The following QRICH1 variants were observed in gnomAD, a reference collection of about 807,000 sequenced individuals.
QRICH1 encodes glutamine rich 1.
A neutral mutation model predicts 87.1 loss-of-function variants in QRICH1; 16 were observed. The observed-to-expected ratio is 0.18, with a 90% CI of 0.12 to 0.28. The LOEUF is 0.28. Among genes scored for constraint, QRICH1 ranks in the 10% least tolerant of loss-of-function variants. The pLI is 1.00. For missense variants in QRICH1, 647 were observed against 951.7 expected (o/e 0.68, Z 4.21); for synonymous variants, 367 against 368.4 (o/e 1.00, Z 0.05).
intron 1 of QRICH1, among the ~76,000 whole-genome samples, chr3:49,080,899 C>T (rs1575378342): frequency 1.6e-5 from 2 of 125,860 alleles, no homozygotes; most frequent in East Asian, 5.8e-4. Context: ...GCTAAGTATG[C>T]TTTGACCTCT....
chr3:49,054,536 T>C lies in QRICH1; in HGVS notation c.1338+2326A>G, dbSNP rs912414262. 2.9e-5 allele frequency among the ~76,000 whole-genome samples: 4 copies of C among 140,132 alleles called. No individual in the cohort carries two copies. The East Asian group carries it at 9.2e-4, about 32-fold the overall frequency. The allele number at this position is 140,132 out of a possible 152,430, so 91.9% of individuals were successfully genotyped here. On this transcript the variant is annotated intron_variant, in intron 3 of 9. Coordinates refer to ENST00000395443, the MANE Select transcript of QRICH1 (RefSeq NM_198880.3). ...TCCCTTCTCAAGTTGCATTAGGGCA[T>C]GTCCCTTCTGTCCATCCTTGGCTCT...
chr3:49,070,440 G>A (rs1290069647), intron 2 of QRICH1, among the ~76,000 whole-genome samples: 4 of 151,960 alleles, frequency 2.6e-5, no homozygotes, highest in African/African-American at 7.3e-5. Flanking sequence ...AAAATGCTTT[G>A]TTGTTCTGTT....
chr3:49,054,275 G>T (rs1258584105), intron 3 of QRICH1, among the ~76,000 whole-genome samples: 1 of 152,178 alleles, frequency 6.6e-6, no homozygotes, highest in Non-Finnish European at 1.5e-5. Context: ...AGAGCTAGGG[G>T]AGGCCTAATG....
intron 6 of QRICH1, among the ~76,000 whole-genome samples, chr3:49,035,230 T>G (rs2093267878): frequency 6.6e-6 from 1 of 152,026 alleles, no homozygotes; most frequent in South Asian, 2.1e-4. Context: ...ACCATCACAC[T>G]CGATTATTTT....
Position 49,092,089 on chromosome 3 carries a change from C to A in QRICH1, c.-22+1823G>T, listed in dbSNP as rs946379075. Among the ~76,000 whole-genome samples, 9 of 151,226 alleles carry A rather than the reference C, an allele frequency of 6.0e-5. 1 individual carries two copies. The highest frequency in any genetic ancestry group is 1.9e-4 in the African/African-American group (8 of 41,274). On this transcript the variant is annotated intron_variant, in intron 1 of 9. Transcript: ENST00000395443. Reference sequence around the variant, plus strand: ...TCCGTCTCAAAAAAAAAAAAAAAGTCAAAATTTTAAGTGTATCCTAGAAAA... The same window carrying A: ...TCCGTCTCAAAAAAAAAAAAAAAGTAAAAATTTTAAGTGTATCCTAGAAAA...
chr3:49,083,302 A>G (rs762300912), intron 1 of QRICH1: 2 of 150,922 alleles, frequency 1.3e-5, no homozygotes, highest in Non-Finnish European at 2.9e-5. Context: ...TTGCTTGAGT[A>G]GTCCAGGAGT....
chr3:49,046,262 T>TAAAA (rs11374545), intron 5 of QRICH1, among the ~76,000 whole-genome samples, 163 bp downstream of exon 5: 1 of 129,928 alleles, frequency 7.7e-6, no homozygotes, highest in Non-Finnish European at 1.7e-5. Flanking sequence ...TTTTAAAACT[T>TAAAA]AAAAAAAAAA....
At position 49,057,051 on chromosome 3, in the gene QRICH1, G is replaced by C; in HGVS notation, c.1149C>G (p.Leu383=). The change falls in exon 3 of 10, where the codon CTC becomes CTG. Residue 383 remains leucine (L), a synonymous_variant. Transcript: ENST00000395443. The surrounding 1 kb of genome is among the most constrained non-coding windows in gnomAD (Gnocchi z 5.4). ...EEVVQTLANS[L]FPAQFMNGNI... ...TGCCATTCATGAACTGTGCTGGAAA[G>C]AGAGAGTTTGCAAGGGTCTGCACTA... 1 of 1,614,242 alleles carries C rather than the reference G, an allele frequency of 6.2e-7. No homozygotes were observed. Among genetic ancestry groups the C allele is most frequent in the East Asian group, 2.2e-5 (1 of 44,886 alleles).
intron 9 of QRICH1, 83 bp downstream of exon 9, chr3:49,032,100 T>C (rs1325806162): frequency 8.7e-6 from 10 of 1,145,086 alleles, no homozygotes; most frequent in Middle Eastern, 1.9e-4. Flanking sequence ...CTCTCCCCTA[T>C]GATAAGTGAT....
chr3:49,039,762 G>A lies in QRICH1; in HGVS notation c.1786+4628C>T, dbSNP rs569681250. Among the ~76,000 whole-genome samples the A allele has an allele frequency of 5.4e-3, 817 of 150,710 alleles. 1 individual carries two copies. The highest frequency in any genetic ancestry group is 8.3e-3 in the Non-Finnish European group (558 of 67,560). On this transcript the variant is annotated intron_variant, in intron 6 of 9. Transcript: ENST00000395443. The stretch of plus-strand genomic sequence containing the variant: ...AAAACAAACAAAAACAAACAAAAAG[G>A]AATTAAACAGCAACAGGCCAGGCTC...
Position 49,047,259 on chromosome 3 carries a change from A to C in QRICH1, c.1339-13T>G. 1 of 1,595,790 alleles carries C rather than the reference A, an allele frequency of 6.3e-7. No individual in the cohort carries two copies. The highest frequency in any genetic ancestry group is 8.6e-7 in the Non-Finnish European group (1 of 1,169,526). On this transcript the variant is annotated splice_polypyrimidine_tract_variant and intron_variant, in intron 3 of 9. Coordinates refer to ENST00000395443, the MANE Select transcript of QRICH1 (RefSeq NM_198880.3). Reference sequence around the variant, plus strand: ...GGACAGTTTGAGCCTATAGGAGAGAAACCATGAAAATGTGTCAATATTGTT... The same window carrying C: ...GGACAGTTTGAGCCTATAGGAGAGACACCATGAAAATGTGTCAATATTGTT...
intron 6 of QRICH1, among the ~76,000 whole-genome samples, chr3:49,040,403 T>G (rs1377809694): frequency 6.6e-6 from 1 of 152,078 alleles, no homozygotes; most frequent in Admixed American, 6.6e-5. Flanking sequence ...AGCCCAGGAG[T>G]TGGAGACCTG....
chr3:49,039,736 A>T (rs2093298920), intron 6 of QRICH1, among the ~76,000 whole-genome samples: 1 of 151,494 alleles, frequency 6.6e-6, no homozygotes, highest in Non-Finnish European at 1.5e-5. Flanking sequence ...AAATAAACTT[A>T]AAAACAAACA....
At position 49,077,024 on chromosome 3, in the gene QRICH1, G is replaced by A. The variant is rs1217587764; in HGVS notation, c.-7C>T. 7.0e-7 allele frequency: 1 copy of A among 1,435,360 alleles called. No homozygotes were observed. 88.9% of individuals were successfully genotyped at this position (1,435,360 alleles called of 1,614,324 possible). ...TCTCTAGGGAATTATTCATATTGCA[G>A]AGTCCTTAGGGTTCCTAGAAATAAA... On this transcript the variant is annotated 5_prime_UTR_variant, in exon 2 of 10. Transcript: ENST00000395443.
chr3:49,094,247 C>T (rs1337358857), upstream of QRICH1: 34 of 381,816 alleles, frequency 8.9e-5, no homozygotes. Context: ...CCATGGACGC[C>T]TCTCCATGTG....
chr3:49,035,391 A>G (rs989467272), intron 6 of QRICH1, among the ~76,000 whole-genome samples: 4 of 152,144 alleles, frequency 2.6e-5, no homozygotes, highest in Non-Finnish European at 5.9e-5. Context: ...TTAAAAAAAT[A>G]ATTTTTCTCC....
intron 1 of QRICH1, among the ~76,000 whole-genome samples, chr3:49,091,962 C>A (rs2107064831): frequency 1.3e-5 from 2 of 151,874 alleles, no homozygotes; most frequent in South Asian, 4.2e-4. Context: ...ATCCCAGTTA[C>A]TTGGGAAACT....
chr3:49,067,110 A>G (rs1002673035), intron 2 of QRICH1, among the ~76,000 whole-genome samples: 1 of 152,186 alleles, frequency 6.6e-6, no homozygotes, highest in African/African-American at 2.4e-5. Flanking sequence ...AATGTGGCTA[A>G]TGGCTATTGT....
At position 49,076,967 on chromosome 3, in the gene QRICH1, T is replaced by C; in HGVS notation, c.51A>G (p.Val17=). 1 of 1,571,936 alleles carries C rather than the reference T, an allele frequency of 6.4e-7. No individual in the cohort carries two copies. Among genetic ancestry groups the C allele is most frequent in the South Asian group, 1.2e-5 (1 of 86,074 alleles). Residue 17 remains valine (V), a synonymous_variant, in exon 2 of 10, where the codon GTA becomes GTG. Coordinates refer to ENST00000395443, the MANE Select transcript of QRICH1 (RefSeq NM_198880.3). ...TGTGTTGCGGGACAGACCGTGCCTT[T>C]ACTCGGATGTACTCTTCAAAGGAGA... is the stretch of plus-strand genomic sequence containing the variant. The part of the protein sequence containing the change: ...NTISFEEYIR[V]KARSVPQHRM...
Sources: allele counts gnomAD v4.1 joint callset (sites outside exome capture counted in the v4.1 genomes callset), GRCh38; gene constraint gnomAD v4.1.1; non-coding constraint Gnocchi (gnomAD v3.1); transcripts MANE v1.5; gene names NCBI Gene and HGNC (gene_info 2026-07-23, HGNC 2026-07-21).